Variants in ADAMTS17 observed in about 807,000 individuals in gnomAD.
ADAMTS17 encodes A disintegrin and metalloproteinase with thrombospondin motifs 17.
A neutral mutation model predicts 141.5 loss-of-function variants in ADAMTS17; 113 were observed. That is an observed-to-expected ratio of 0.80 (90% confidence interval 0.69 to 0.93). ADAMTS17 has a LOEUF of 0.93. ADAMTS17 is among the 40% of genes least tolerant of loss of function. The probability of loss-of-function intolerance (pLI) is 0.00; values close to 1 mark genes in which losing one functional copy is unlikely to be tolerated. For missense variants in ADAMTS17, 1,659 were observed against 1,517.9 expected (o/e 1.09, Z -1.54); for synonymous variants, 768 against 630.6 (o/e 1.22, Z -3.27).
rs1015281412 is a variant in ADAMTS17, at chr15:100,296,975, A to G, written c.617-15574T>C. Among the ~76,000 whole-genome samples, 15 of 152,242 alleles carry G rather than the reference A, an allele frequency of 9.9e-5. 1 individual carries two copies. Among genetic ancestry groups the G allele is most frequent in the African/African-American group, 3.6e-4 (15 of 41,462 alleles). On this transcript the variant is annotated intron_variant, in intron 3 of 21. Coordinates refer to ENST00000268070, the MANE Select transcript of ADAMTS17 (RefSeq NM_139057.4). ...AGAAGAATTAAACATTCTACATGTG[A>G]CAGGTACTATCAAGAAAGAGTGGAC...
At chr15:100,249,158 G>A (rs1470338981) in intron 7 of ADAMTS17, among the ~76,000 whole-genome samples, 1 of 152,186 alleles carries the variant, frequency 6.6e-6, no homozygotes, top group Non-Finnish European at 1.5e-5. Context: ...ACCCAGTACA[G>A]AGGAGTGTGG....
chr15:100,245,525 C>G (rs1481756131), intron 7 of ADAMTS17, among the ~76,000 whole-genome samples: 1 of 152,180 alleles, frequency 6.6e-6, no homozygotes, highest in Non-Finnish European at 1.5e-5. Context: ...GGTAGAAGCC[C>G]ATCCCATGCA....
At chr15:100,303,104 AAATATAT>A (rs1377344107) in intron 3 of ADAMTS17, among the ~76,000 whole-genome samples, 2 of 147,046 alleles carry the variant, frequency 1.4e-5, no homozygotes, top group Non-Finnish European at 3.0e-5. Context: ...TATATATATA[AAATATAT>A]AATATATATT....
chr15:100,011,347 A>AG (rs369543651), intron 18 of ADAMTS17, among the ~76,000 whole-genome samples: 10 of 85,740 alleles, frequency 1.2e-4, no homozygotes, highest in African/African-American at 8.2e-5. Context: ...GAAGGAAAGG[A>AG]GGAGGGACGG....
chr15:100,290,660 A>G (rs1002928692), intron 3 of ADAMTS17, among the ~76,000 whole-genome samples: 1 of 152,234 alleles, frequency 6.6e-6, no homozygotes. Flanking sequence ...AAACAGACAC[A>G]TAGACCAATG....
chr15:100,019,999 GA>G (rs67292654), intron 18 of ADAMTS17, among the ~76,000 whole-genome samples: 1 of 150,664 alleles, frequency 6.6e-6, no homozygotes, highest in African/African-American at 2.4e-5. Flanking sequence ...CTAAGATTTG[GA>G]AAAAAAAGAC....
chr15:100,284,959 A>T (rs2044399039), intron 3 of ADAMTS17, among the ~76,000 whole-genome samples: 1 of 152,290 alleles, frequency 6.6e-6, no homozygotes, highest in South Asian at 2.1e-4. Context: ...TGCTGTGGGA[A>T]TGAAGGGTGG....
At chr15:100,263,262 A>G (rs1231747363) in intron 4 of ADAMTS17, among the ~76,000 whole-genome samples, 2 of 151,808 alleles carry the variant, frequency 1.3e-5, no homozygotes, top group African/African-American at 4.8e-5. Flanking sequence ...CATCTCCACT[A>G]CTCTCAGCTG....
At chr15:100,082,318 C>A (rs1246430327) in intron 15 of ADAMTS17, among the ~76,000 whole-genome samples, 1 of 152,024 alleles carries the variant, frequency 6.6e-6, no homozygotes, top group Non-Finnish European at 1.5e-5. Flanking sequence ...CCCACCTTGG[C>A]CTCCCAAAGT....
At chr15:100,244,119 CAG>C (rs1340637441) in intron 7 of ADAMTS17, among the ~76,000 whole-genome samples, 1 of 151,966 alleles carries the variant, frequency 6.6e-6, no homozygotes, top group African/African-American at 2.4e-5. Context: ...GGTGGCAGGC[CAG>C]AGAGAGCTTC....
intron 7 of ADAMTS17, among the ~76,000 whole-genome samples, chr15:100,236,955 T>C (rs1053958217): frequency 2.0e-5 from 3 of 152,164 alleles, no homozygotes; most frequent in Non-Finnish European, 4.4e-5. Flanking sequence ...ATCCCATGGT[T>C]CCCAGCTTCA....
intron 4 of ADAMTS17, among the ~76,000 whole-genome samples, chr15:100,279,189 A>T (rs1177285451): frequency 6.6e-6 from 1 of 152,192 alleles, no homozygotes; most frequent in Non-Finnish European, 1.5e-5. Context: ...AGTCACCTGC[A>T]GACCCTGTCC....
At chr15:100,327,190 G>A (rs1049609679) in intron 3 of ADAMTS17, among the ~76,000 whole-genome samples, 1 of 152,174 alleles carries the variant, frequency 6.6e-6, no homozygotes, top group Non-Finnish European at 1.5e-5. Context: ...GACCAACTGT[G>A]CACTACAGAG....
intron 17 of ADAMTS17, 59 bp downstream of exon 17, chr15:100,051,513 C>T: frequency 6.2e-7 from 1 of 1,610,602 alleles, no homozygotes; most frequent in Admixed American, 1.7e-5. Flanking sequence ...CCACAGATGC[C>T]TTTCTCCTTC....
intron 7 of ADAMTS17, among the ~76,000 whole-genome samples, chr15:100,223,820 T>A (rs1167698978): frequency 1.3e-5 from 2 of 151,832 alleles, no homozygotes; most frequent in Non-Finnish European, 1.5e-5. Flanking sequence ...TGTGTGTGTA[T>A]ATATGTGTGT....
At chr15:100,188,228 C>A (rs2040791020) in intron 8 of ADAMTS17, among the ~76,000 whole-genome samples, 1 of 151,952 alleles carries the variant, frequency 6.6e-6, no homozygotes, top group African/African-American at 2.4e-5. Flanking sequence ...AGGCATGCAC[C>A]ACCATGCCCA....
At chr15:100,048,807 C>T (rs1205952627) in intron 18 of ADAMTS17, 50 bp downstream of exon 18, 2 of 1,613,516 alleles carry the variant, frequency 1.2e-6, no homozygotes, top group South Asian at 1.1e-5. Flanking sequence ...ACTGATGGTG[C>T]TGCCGCCCCA....
intron 13 of ADAMTS17, 144 bp from the exon 14 acceptor site, chr15:100,109,260 C>CCAGCTCCTCTAAACACGCAGCA (rs142688382): frequency 2.6e-6 from 3 of 1,165,202 alleles, no homozygotes; most frequent in Non-Finnish European, 2.4e-6. Flanking sequence ...GGTACGCGCT[C>CCAGCTCCTCTAAACACGCAGCA]CAGGAAGCGG....
At chr15:100,244,348 T>C (rs2042922247) in intron 7 of ADAMTS17, among the ~76,000 whole-genome samples, 1 of 139,752 alleles carries the variant, frequency 7.2e-6, no homozygotes, top group East Asian at 2.4e-4. Flanking sequence ...ACAAGCAAGA[T>C]TCGAATGCAG....
Sources: allele counts gnomAD v4.1 joint callset (sites outside exome capture counted in the v4.1 genomes callset), GRCh38; gene constraint gnomAD v4.1.1; transcripts MANE v1.5; gene names NCBI Gene and HGNC (gene_info 2026-07-23, HGNC 2026-07-21).